ZKSCAN1: variants seen among roughly 807,000 people sequenced by gnomAD.
ZKSCAN1 encodes zinc finger protein with KRAB and SCAN domains 1.
In ZKSCAN1, 14 loss-of-function variants were observed where a neutral mutation model predicts 51.6. The ratio of observed to expected loss-of-function variants is 0.27; its 90% CI spans 0.18 to 0.42. The LOEUF (loss-of-function observed/expected upper bound fraction) is 0.42, where lower values mean the gene tolerates loss of function less well. ZKSCAN1 is among the 10% of genes least tolerant of loss of function. ZKSCAN1 has a pLI of 1.00. For missense variants in ZKSCAN1, 531 were observed against 710.0 expected (o/e 0.75, Z 2.86); for synonymous variants, 263 against 261.5 (o/e 1.01, Z -0.06).
chr7:100,023,701 G>C lies in ZKSCAN1; in HGVS notation c.195G>C (p.Gln65His). Residue 65 changes from glutamine to histidine, a missense_variant, in exon 2 of 6, where the codon CAG (glutamine) becomes CAC (histidine). Gln to His is a conservative substitution (Grantham distance 24). Coordinates refer to ENST00000324306, the MANE Select transcript of ZKSCAN1 (RefSeq NM_003439.4). Reference sequence around the variant, plus strand: ...AACGCTTCAGGCGCTTCTGTTACCAGAACACTTTTGGGCCCCGAGAGGCTC... The same window carrying C: ...AACGCTTCAGGCGCTTCTGTTACCACAACACTTTTGGGCCCCGAGAGGCTC... ...FRQRFRRFCY[Q>H]NTFGPREALS... The C allele has an allele frequency of 2.5e-6, 4 of 1,614,210 alleles. No homozygotes were observed. Among genetic ancestry groups the C allele is most frequent in the Non-Finnish European group, 3.4e-6 (4 of 1,180,042 alleles).
At position 100,039,442 on chromosome 7, in the gene ZKSCAN1, A is replaced by G. The variant is rs768818024; in HGVS notation, c.*5245A>G. The G allele has an allele frequency of 3.0e-6, 3 of 985,318 alleles. No homozygotes were observed. Among genetic ancestry groups the G allele is most frequent in the Admixed American group, 6.2e-5 (1 of 16,260 alleles). 61.0% of individuals were successfully genotyped at this position (985,318 alleles called of 1,614,324 possible). The stretch of plus-strand genomic sequence containing the variant: ...AGAAGTCTGTCTGATGAAGCTCGGG[A>G]AGCATTTTGCAATATTCCCTTTGGC... On this transcript the variant is annotated 3_prime_UTR_variant, in exon 6 of 6. Coordinates refer to ENST00000324306, the MANE Select transcript of ZKSCAN1 (RefSeq NM_003439.4).
chr7:100,039,977 A>T lies in ZKSCAN1; in HGVS notation c.*5780A>T, dbSNP rs1055951478. 6.3e-6 allele frequency: 6 copies of T among 953,518 alleles called. No individual in the cohort carries two copies. In the African/African-American group the frequency reaches 1.1e-4, roughly 17 times the overall value. The allele number at this position is 953,518 out of a possible 1,614,324, so 59.1% of individuals were successfully genotyped here. On this transcript the variant is annotated 3_prime_UTR_variant, in exon 6 of 6. Coordinates refer to ENST00000324306, the MANE Select transcript of ZKSCAN1 (RefSeq NM_003439.4). ...ATTATTTGAAAAGTTTTTCTAACAT[A>T]GATTTAGGGTTTTTTTTTTTAGAGT...
chr7:100,030,435 G>C (rs1185745231), intron 5 of ZKSCAN1, 60 bp downstream of exon 5: 2 of 1,564,358 alleles, frequency 1.3e-6, no homozygotes, highest in Admixed American at 1.9e-5. Context: ...TGTGTTAGCT[G>C]TGGGATCTCT....
chr7:100,027,760 A>T (rs574099977), intron 3 of ZKSCAN1, among the ~76,000 whole-genome samples: 3 of 150,088 alleles, frequency 2.0e-5, no homozygotes, highest in African/African-American at 7.4e-5. Flanking sequence ...AAAAAAAAAA[A>T]AAAAACACCG....
downstream of ZKSCAN1, among the ~76,000 whole-genome samples, chr7:100,043,204 C>T (rs1220164579): frequency 6.6e-6 from 1 of 152,036 alleles, no homozygotes; most frequent in East Asian, 1.9e-4. Context: ...GTGTGAGCCA[C>T]CACACCCAGC....
chr7:100,041,917 A>G (rs1390018035), downstream of ZKSCAN1, among the ~76,000 whole-genome samples: 1 of 152,170 alleles, frequency 6.6e-6, no homozygotes, highest in Non-Finnish European at 1.5e-5. Context: ...GGGCATTCCA[A>G]AGTTAACCTG....
At chr7:100,032,872 G>A (rs1791171244) in intron 5 of ZKSCAN1, among the ~76,000 whole-genome samples, 1 of 152,188 alleles carries the variant, frequency 6.6e-6, no homozygotes, top group Non-Finnish European at 1.5e-5. Flanking sequence ...GCCGGGCGTG[G>A]TGGCGGGCGC....
At chr7:100,042,318 CAAAAAA>C (rs34258466), downstream of ZKSCAN1, among the ~76,000 whole-genome samples, 1 of 43,672 alleles carries the variant, frequency 2.3e-5, no homozygotes, top group Non-Finnish European at 4.7e-5. Flanking sequence ...GACTTTGTCT[CAAAAAA>C]AAAAAAAAAA....
rs1302842130 is a variant in ZKSCAN1, at chr7:100,039,449, T to C, written c.*5252T>C. 1.0e-6 allele frequency: 1 copy of C among 985,354 alleles called. No homozygotes were observed. The highest frequency in any genetic ancestry group is 1.2e-6 in the Non-Finnish European group (1 of 829,954). The allele number at this position is 985,354 out of a possible 1,614,324, so 61.0% of individuals were successfully genotyped here. On this transcript the variant is annotated 3_prime_UTR_variant, in exon 6 of 6. Transcript: ENST00000324306. ...TGTCTGATGAAGCTCGGGAAGCATT[T>C]TGCAATATTCCCTTTGGCTGTGTTC...
At position 100,033,553 on chromosome 7, in the gene ZKSCAN1, A is replaced by G. The variant is rs972143605; in HGVS notation, c.1048A>G (p.Lys350Glu). The G allele has an allele frequency of 6.2e-7, 1 of 1,614,018 alleles. No individual in the cohort carries two copies. Among genetic ancestry groups the G allele is most frequent in the Non-Finnish European group, 8.5e-7 (1 of 1,180,030 alleles). ...TITGERGPRE[K>E]GKGLGRSFSL... is the part of the protein sequence containing the mutation. ...CACAGGAGAGAGAGGTCCAAGGGAG[A>G]AGGGGAAAGGATTGGGAAGAAGCTT... The change falls in exon 6 of 6, where the codon AAG (lysine) becomes GAG (glutamate). Residue 350 changes from lysine (K) to glutamate (E), a missense_variant. Coordinates refer to ENST00000324306, the MANE Select transcript of ZKSCAN1 (RefSeq NM_003439.4). The surrounding 1 kb of genome is among the most constrained non-coding windows in gnomAD (Gnocchi z 4.1).
intron 1 of ZKSCAN1, among the ~76,000 whole-genome samples, chr7:100,018,053 A>G (rs760744719): frequency 2.0e-5 from 3 of 152,202 alleles, no homozygotes; most frequent in Non-Finnish European, 4.4e-5. Flanking sequence ...CGGCAACTCT[A>G]TGGGACAAAT....
Position 100,037,442 on chromosome 7 carries a change from A to G in ZKSCAN1, c.*3245A>G. 3 of 985,462 alleles carry G rather than the reference A, an allele frequency of 3.0e-6. No individual in the cohort carries two copies. Among genetic ancestry groups the G allele is most frequent in the Non-Finnish European group, 3.6e-6 (3 of 829,942 alleles). 61.0% of individuals were successfully genotyped at this position (985,462 alleles called of 1,614,324 possible). On this transcript the variant is annotated 3_prime_UTR_variant, in exon 6 of 6. Transcript: ENST00000324306. ...ACTTAATATTAAAGGCATAAAAGTG[A>G]AACTGCTAAATATGTATAGAGAGGT... is the stretch of plus-strand genomic sequence containing the variant.
Position 100,015,664 on chromosome 7 carries a change from C to G in ZKSCAN1, c.-151C>G, listed in dbSNP as rs972777902. The G allele has an allele frequency of 6.6e-6, 1 of 152,294 alleles. No individual in the cohort carries two copies. The highest frequency in any genetic ancestry group is 1.9e-4 in the East Asian group (1 of 5,186). The allele number at this position is 152,294 out of a possible 1,614,324, so 9.4% of individuals were successfully genotyped here. A position where few individuals can be genotyped will look rare whatever the true frequency, so the allele number is the denominator to read the frequency against. On this transcript the variant is annotated 5_prime_UTR_variant, in exon 1 of 6. Transcript: ENST00000324306. ...CCGTGTGCGGTGCCCTTCGGCCGGC[C>G]TGAGCCCCAGAGTCAGCTCCCCTTT...
chr7:100,027,580 C>T (rs1790895348), intron 3 of ZKSCAN1, among the ~76,000 whole-genome samples: 2 of 151,574 alleles, frequency 1.3e-5, no homozygotes, highest in Admixed American at 1.3e-4. Flanking sequence ...AACCCCGTCT[C>T]TCCTAAAAAT....
At chr7:100,018,967 A>T (rs1238177405) in intron 1 of ZKSCAN1, among the ~76,000 whole-genome samples, 1 of 152,216 alleles carries the variant, frequency 6.6e-6, no homozygotes, top group Non-Finnish European at 1.5e-5. Context: ...TGACCCAAGA[A>T]GTGTCCTGCT....
chr7:100,034,174 G>A lies in ZKSCAN1; in HGVS notation c.1669G>A (p.Ala557Thr), dbSNP rs774053631. The A allele has an allele frequency of 3.6e-5, 54 of 1,513,334 alleles. No homozygotes were observed. In the Admixed American group the frequency reaches 5.2e-4, roughly 14 times the overall value. The allele number at this position is 1,513,334 out of a possible 1,614,324, so 93.7% of individuals were successfully genotyped here. A position where few individuals can be genotyped will look rare whatever the true frequency, so the allele number is the denominator to read the frequency against. The change falls in exon 6 of 6, where the codon GCG becomes ACG. Residue 557 changes from alanine (A) to threonine (T), a missense_variant. Ala to Thr is a moderately conservative substitution (Grantham distance 58). Around this residue, in one of 2 missense-constraint regions of ZKSCAN1, gnomAD observed 128 missense variants for 219.5 expected, o/e 0.58. Transcript: ENST00000324306. Reference protein sequence around the residue: ...YSPASLDAFGAFLKSCV With the variant: ...YSPASLDAFGTFLKSCV ...CCCAGCCTCCCTTGATGCATTTGGC[G>A]CGTTCCTGAAAAGTTGTGTGTAAAG...
chr7:100,038,252 A>G lies in ZKSCAN1; in HGVS notation c.*4055A>G, dbSNP rs1245857425. On this transcript the variant is annotated 3_prime_UTR_variant, in exon 6 of 6. Transcript: ENST00000324306. ...TACCTGTAAGCAGATACTGTATTTT[A>G]TTTTAGCCTATTTGACAGAACACAT... The G allele has an allele frequency of 1.0e-6, 1 of 985,224 alleles. No individual in the cohort carries two copies. Among genetic ancestry groups the G allele is most frequent in the African/African-American group, 1.7e-5 (1 of 57,184 alleles). 61.0% of individuals were successfully genotyped at this position (985,224 alleles called of 1,614,324 possible).
chr7:100,020,512 TA>T (rs1043725690), intron 1 of ZKSCAN1, among the ~76,000 whole-genome samples: 8 of 151,484 alleles, frequency 5.3e-5, no homozygotes, highest in African/African-American at 1.9e-4. Context: ...GGAACTAGAT[TA>T]AAAAAAATAA....
intron 3 of ZKSCAN1, among the ~76,000 whole-genome samples, chr7:100,028,500 G>A (rs1790943299): frequency 6.6e-6 from 1 of 152,076 alleles, no homozygotes; most frequent in African/African-American, 2.4e-5. Context: ...GTGACAGAGA[G>A]CCTATCTTAT....
Sources: gnomAD v4.1 joint callset for allele counts (sites outside exome capture counted in the v4.1 genomes callset) on GRCh38, gnomAD v4.1.1 for gene constraint, gnomAD v4.1.1 regional missense constraint, Gnocchi (gnomAD v3.1) non-coding constraint, MANE v1.5 for transcripts, NCBI Gene and HGNC (gene_info 2026-07-23, HGNC 2026-07-21) for gene names.